The following UST variants were observed in gnomAD, a reference collection of about 807,000 sequenced individuals.
The protein encoded by UST is uronyl 2-sulfotransferase.
UST carries 21 observed loss-of-function variants against 45.6 expected under a neutral mutation model. The observed-to-expected ratio is 0.46, with a 90% CI of 0.33 to 0.66. UST has a LOEUF of 0.66. UST is among the 30% of genes least tolerant of loss of function. UST has a pLI of 0.02. For missense variants in UST, 463 were observed against 512.4 expected (o/e 0.90, Z 0.93); for synonymous variants, 215 against 200.6 (o/e 1.07, Z -0.61).
intron 5 of UST, among the ~76,000 whole-genome samples, chr6:148,974,911 C>T (rs183386971): frequency 4.6e-4 from 70 of 152,280 alleles, no homozygotes; most frequent in African/African-American, 1.5e-3. Flanking sequence ...GACTGCTGTC[C>T]CGTTACCCTC....
intron 3 of UST, among the ~76,000 whole-genome samples, chr6:148,942,554 C>T (rs1380045283): frequency 6.6e-6 from 1 of 151,978 alleles, no homozygotes; most frequent in Non-Finnish European, 1.5e-5. Flanking sequence ...GAGACTTTGT[C>T]TCAATAAATA....
chr6:148,899,402 C>G (rs1207906578), intron 2 of UST, among the ~76,000 whole-genome samples: 2 of 152,136 alleles, frequency 1.3e-5, no homozygotes, highest in African/African-American at 4.8e-5. Context: ...CCCAGCCTAC[C>G]TAATTCTTTT....
At chr6:148,903,020 T>G (rs1479507762) in intron 2 of UST, among the ~76,000 whole-genome samples, 1 of 152,204 alleles carries the variant, frequency 6.6e-6, no homozygotes, top group Non-Finnish European at 1.5e-5. Flanking sequence ...CTATTCTGGA[T>G]GGAATATTTT....
intron 1 of UST, among the ~76,000 whole-genome samples, chr6:148,863,071 G>T (rs1007090666): frequency 6.6e-6 from 1 of 152,134 alleles, no homozygotes; most frequent in Non-Finnish European, 1.5e-5. Context: ...CAGTTCTCCT[G>T]GATAATATCC....
intron 1 of UST, among the ~76,000 whole-genome samples, chr6:148,755,131 G>T (rs1306445356): frequency 6.6e-6 from 1 of 152,202 alleles, no homozygotes; most frequent in Non-Finnish European, 1.5e-5. Context: ...TGGAGCCGAT[G>T]AGCTCAGCAG....
chr6:148,923,208 G>A (rs1779748993), intron 2 of UST, among the ~76,000 whole-genome samples: 1 of 152,210 alleles, frequency 6.6e-6, no homozygotes, highest in African/African-American at 2.4e-5. Flanking sequence ...GGGCATTTCA[G>A]TCGTCTCCAC....
rs554364583 is a variant in UST, at chr6:148,868,581, C to T, written c.248-18405C>T. 1.1e-3 allele frequency among the ~76,000 whole-genome samples: 174 copies of T among 152,272 alleles called. 1 individual carries two copies. Among genetic ancestry groups the T allele is most frequent in the Non-Finnish European group, 2.0e-3 (134 of 68,026 alleles). ...GTTGAAAGGTAGGACTAAGACTTCTCTAGAAAAGAAACCGATCTACTAAGT... is the reference window on the plus strand; with the variant it reads ...GTTGAAAGGTAGGACTAAGACTTCTTTAGAAAAGAAACCGATCTACTAAGT... On this transcript the variant is annotated intron_variant, in intron 1 of 7. Transcript: ENST00000367463.
At chr6:149,041,523 C>T (rs1776314723) in intron 7 of UST, among the ~76,000 whole-genome samples, 1 of 152,188 alleles carries the variant, frequency 6.6e-6, no homozygotes, top group Admixed American at 6.5e-5. Flanking sequence ...GAGGGAACCC[C>T]TCTCCTCCAG....
At chr6:148,995,451 G>C (rs1185319751) in intron 5 of UST, among the ~76,000 whole-genome samples, 5 of 151,992 alleles carry the variant, frequency 3.3e-5, no homozygotes, top group Non-Finnish European at 7.3e-5. Flanking sequence ...CTAAGCCAGG[G>C]TTTTCTTCTC....
At chr6:148,876,793 C>T (rs1381768744) in intron 1 of UST, among the ~76,000 whole-genome samples, 2 of 151,724 alleles carry the variant, frequency 1.3e-5, no homozygotes, top group African/African-American at 2.4e-5. Context: ...ATTGGATTCA[C>T]GTGGGCATGG....
At chr6:148,954,175 T>C (rs937056461) in intron 4 of UST, among the ~76,000 whole-genome samples, 2 of 152,258 alleles carry the variant, frequency 1.3e-5, no homozygotes, top group Non-Finnish European at 2.9e-5. Flanking sequence ...TTATTTTTAA[T>C]GAGAAGCCAT....
Position 149,074,117 on chromosome 6 carries a change from T to C in UST, c.*1T>C. ...GCTGGAAGATATTTATAAGAGGTGA[T>C]GTGACTGTGTTGCCTCTATGGCTTT... is the stretch of plus-strand genomic sequence containing the variant. On this transcript the variant is annotated 3_prime_UTR_variant, in exon 8 of 8. Transcript: ENST00000367463. 6.2e-7 allele frequency: 1 copy of C among 1,613,500 alleles called. No individual in the cohort carries two copies. Among genetic ancestry groups the C allele is most frequent in the Non-Finnish European group, 8.5e-7 (1 of 1,179,446 alleles).
At chr6:148,876,846 C>G (rs928149698) in intron 1 of UST, among the ~76,000 whole-genome samples, 23 of 151,466 alleles carry the variant, frequency 1.5e-4, no homozygotes, top group African/African-American at 5.6e-4. Context: ...TATCTCCTCT[C>G]CATCCCAGTC....
intron 2 of UST, among the ~76,000 whole-genome samples, chr6:148,912,761 A>T (rs778074991): frequency 2.0e-5 from 3 of 152,254 alleles, no homozygotes; most frequent in Non-Finnish European, 4.4e-5. Context: ...AGCAGATAGC[A>T]CTTTTAACAA....
At position 148,934,530 on chromosome 6, in the gene UST, T is replaced by A. The variant is rs1014678247; in HGVS notation, c.292-6749T>A. Among the ~76,000 whole-genome samples the A allele has an allele frequency of 2.6e-5, 4 of 152,010 alleles. No individual in the cohort carries two copies. The highest frequency in any genetic ancestry group is 9.7e-5 in the African/African-American group (4 of 41,384). ...GGAGAGTGTGAGCATACTTATGAGG[T>A]TAATTATGACTGGTAAATGTGAGTG... is the stretch of plus-strand genomic sequence containing the variant. On this transcript the variant is annotated intron_variant, in intron 2 of 7. Transcript: ENST00000367463. This position sits in a 1 kb window ranked among gnomAD's most constrained non-coding sequence, Gnocchi z 4.1.
chr6:148,940,564 T>G (rs1780106654), intron 2 of UST, among the ~76,000 whole-genome samples: 1 of 152,194 alleles, frequency 6.6e-6, no homozygotes, highest in Admixed American at 6.5e-5. Flanking sequence ...AACCCTCATA[T>G]GTTGTTGGTA....
Position 148,870,703 on chromosome 6 carries a change from T to C in UST, c.248-16283T>C, listed in dbSNP as rs1007773584. The stretch of plus-strand genomic sequence containing the variant: ...GCATTTACTCCGGTCTTCTCTTGGT[T>C]ACTCACAGTGGCCTGTTCCCTCCTG... On this transcript the variant is annotated intron_variant, in intron 1 of 7. Coordinates refer to ENST00000367463, the MANE Select transcript of UST (RefSeq NM_005715.3). 3.9e-5 allele frequency among the ~76,000 whole-genome samples: 6 copies of C among 152,114 alleles called. No homozygotes were observed. In the South Asian group the frequency reaches 8.3e-4, roughly 21 times the overall value.
At chr6:149,048,546 AAAG>A (rs1776426599) in intron 7 of UST, among the ~76,000 whole-genome samples, 2 of 152,034 alleles carry the variant, frequency 1.3e-5, no homozygotes, top group East Asian at 1.9e-4. Flanking sequence ...AAAAAAAAAA[AAAG>A]AGAGAGAGAG....
At chr6:148,841,924 G>A (rs557640109) in intron 1 of UST, among the ~76,000 whole-genome samples, 1 of 152,300 alleles carries the variant, frequency 6.6e-6, no homozygotes, top group South Asian at 2.1e-4. Flanking sequence ...TGGCCAACAT[G>A]GAGAAACCCC....
Sources: allele counts gnomAD v4.1 joint callset (sites outside exome capture counted in the v4.1 genomes callset), GRCh38; gene constraint gnomAD v4.1.1; non-coding constraint Gnocchi (gnomAD v3.1); transcripts MANE v1.5; gene names NCBI Gene and HGNC (gene_info 2026-07-23, HGNC 2026-07-21).